Variants in CD1D observed in about 807,000 individuals in gnomAD.
CD1D encodes CD1d molecule, also known as antigen-presenting glycoprotein CD1d.
In CD1D, 40 loss-of-function variants were observed where a neutral mutation model predicts 42.1. The ratio of observed to expected loss-of-function variants is 0.95; its 90% CI spans 0.74 to 1.24. CD1D has a LOEUF of 1.24. CD1D is among the 50% of genes most tolerant of loss of function. The probability of loss-of-function intolerance (pLI) is 0.00; values close to 1 mark genes in which losing one functional copy is unlikely to be tolerated. For missense variants in CD1D, 437 were observed against 416.5 expected, an observed-to-expected ratio of 1.05 and a Z score of -0.43; for synonymous variants, 178 against 171.8, an observed-to-expected ratio of 1.04 and a Z score of -0.28.
intron 1 of CD1D, 67 bp from the exon 2 acceptor site, chr1:158,181,388 C>A (rs1200763861): frequency 1.3e-6 from 2 of 1,585,472 alleles, no homozygotes; most frequent in East Asian, 2.3e-5. Flanking sequence ...TTTCTTTCTT[C>A]CTTCTCTTTA....
rs1180882025 is a variant in CD1D, at chr1:158,181,888, C to T, written c.329-144C>T. On this transcript the variant is annotated intron_variant, in intron 2 of 5. Transcript: ENST00000674085. ...CCCAGGCTTTGACTCCTCAAAGTGT[C>T]CCTCGTTCCTGCCTACTCCAGGTCA... is the stretch of plus-strand genomic sequence containing the variant. 11 of 1,332,626 alleles carry T rather than the reference C, an allele frequency of 8.3e-6. No homozygotes were observed. In the South Asian group the frequency reaches 1.2e-4, roughly 15 times the overall value. The allele number at this position is 1,332,626 out of a possible 1,614,324, so 82.6% of individuals were successfully genotyped here.
At chr1:158,180,829 C>T (rs189513252), upstream of CD1D, 157 of 393,828 alleles carry the variant, frequency 4.0e-4, 3 homozygotes, top group Admixed American at 5.7e-3. Context: ...GAAATTGAGA[C>T]ACGCCGGTTG....
rs920387491 is a variant in CD1D, at chr1:158,183,073, A to C, written c.803A>C (p.Asp268Ala). The C allele has an allele frequency of 6.2e-7, 1 of 1,613,996 alleles. No homozygotes were observed. The highest frequency in any genetic ancestry group is 8.5e-7 in the Non-Finnish European group (1 of 1,180,020). ...ACATGGTATCTCCGAGCAACCCTGG[A>C]TGTGGTGGCTGGGGAGGCAGCTGGC... ...DETWYLRATLDVVAGEAAGLS... is the reference protein window; with the variant it reads ...DETWYLRATLAVVAGEAAGLS... Residue 268 changes from aspartate to alanine, a missense_variant, in exon 4 of 6, where the codon GAT (aspartate) becomes GCT (alanine). Coordinates refer to ENST00000674085, the MANE Select transcript of CD1D (RefSeq NM_001371762.2).
upstream of CD1D, among the ~76,000 whole-genome samples, chr1:158,179,568 C>T (rs2101692266): frequency 6.6e-6 from 1 of 152,302 alleles, no homozygotes; most frequent in Non-Finnish European, 1.5e-5. Flanking sequence ...AACTCTGCTA[C>T]ATGCTGAGAG....
Position 158,180,987 on chromosome 1 carries a change from G to C in CD1D, c.-115G>C. 6.1e-6 allele frequency: 6 copies of C among 977,764 alleles called. No homozygotes were observed. The highest frequency in any genetic ancestry group is 8.6e-6 in the Non-Finnish European group (6 of 693,952). The allele number at this position is 977,764 out of a possible 1,614,324, so 60.6% of individuals were successfully genotyped here. Reference sequence around the variant, plus strand: ...AGGAGGGCTGCCGGGGTCTGGGCTTGGGAATTGGCTGGCACCCAGCGGAAA... The same window carrying C: ...AGGAGGGCTGCCGGGGTCTGGGCTTCGGAATTGGCTGGCACCCAGCGGAAA... On this transcript the variant is annotated 5_prime_UTR_variant, in exon 1 of 6. Transcript: ENST00000674085.
intron 2 of CD1D, 126 bp downstream of exon 2, chr1:158,181,847 T>G (rs1648443667): frequency 3.6e-6 from 5 of 1,395,282 alleles, no homozygotes; most frequent in African/African-American, 2.8e-5. Flanking sequence ...CTGATTTCCC[T>G]TCTACCTGGA....
chr1:158,181,815 T>C, intron 2 of CD1D, 94 bp downstream of exon 2: 1 of 1,497,356 alleles, frequency 6.7e-7, no homozygotes, highest in African/African-American at 1.4e-5. Context: ...CTGATGAGAT[T>C]CTCTGCTCTG....
upstream of CD1D, among the ~76,000 whole-genome samples, chr1:158,179,574 G>A (rs1648300643): frequency 6.6e-6 from 1 of 152,210 alleles, no homozygotes; most frequent in African/African-American, 2.4e-5. Flanking sequence ...GCTACATGCT[G>A]AGAGGATGGC....
In CD1D at chr1:158,182,247, GGCA is replaced by G. The variant is rs1558044400; in HGVS notation, c.545_547del (p.Gly182_Thr183delinsAla). ...GGAAACAGTGCAGTGGCTCCTTAATGGCACCTGCCCCCAATTTGTCAGTGGCCT... is the reference window on the plus strand; with the variant it reads ...GGAAACAGTGCAGTGGCTCCTTAATGCCTGCCCCCAATTTGTCAGTGGCCT... On this transcript the variant is annotated inframe_deletion, in exon 3 of 6. Coordinates refer to ENST00000674085, the MANE Select transcript of CD1D (RefSeq NM_001371762.2). 14 of 1,614,126 alleles carry G rather than the reference GGCA, an allele frequency of 8.7e-6. No individual in the cohort carries two copies. The highest frequency in any genetic ancestry group is 1.2e-5 in the Non-Finnish European group (14 of 1,179,998).
chr1:158,181,231 G>A (rs977247104), intron 1 of CD1D, 69 bp downstream of exon 1: 7 of 1,517,050 alleles, frequency 4.6e-6, no homozygotes, highest in Non-Finnish European at 6.3e-6. Context: ...TAGGGACGGG[G>A]AGGGCAACGC....
Position 158,182,820 on chromosome 1 carries a change from G to C in CD1D, c.608-58G>C, listed in dbSNP as rs1020259628. 3.3e-6 allele frequency: 5 copies of C among 1,528,392 alleles called. No individual in the cohort carries two copies. The African/African-American group carries it at 6.9e-5, about 21-fold the overall frequency. 94.7% of individuals were successfully genotyped at this position (1,528,392 alleles called of 1,614,324 possible). A position where few individuals can be genotyped will look rare whatever the true frequency, so the allele number is the denominator to read the frequency against. ...GTCAAAAAGGATGATATGAGGCCTG[G>C]AGCCTCTAATGCAGAGTTTTCACTT... On this transcript the variant is annotated intron_variant, in intron 3 of 5. Coordinates refer to ENST00000674085, the MANE Select transcript of CD1D (RefSeq NM_001371762.2).
chr1:158,183,869 C>T lies in CD1D; in HGVS notation c.887-67C>T, dbSNP rs571737534. 30 of 1,244,936 alleles carry T rather than the reference C, an allele frequency of 2.4e-5. No individual in the cohort carries two copies. The South Asian group carries it at 2.9e-4, about 12-fold the overall frequency. The allele number at this position is 1,244,936 out of a possible 1,614,324, so 77.1% of individuals were successfully genotyped here. On this transcript the variant is annotated intron_variant, in intron 4 of 5. Coordinates refer to ENST00000674085, the MANE Select transcript of CD1D (RefSeq NM_001371762.2). Reference sequence around the variant, plus strand: ...CCTGGTACCCTCACACATGCCTAGACCAGGGGATTGGATATATGTAGAGAG... The same window carrying T: ...CCTGGTACCCTCACACATGCCTAGATCAGGGGATTGGATATATGTAGAGAG...
intron 1 of CD1D, 98 bp downstream of exon 1, chr1:158,181,260 AC>A: frequency 1.4e-6 from 2 of 1,458,514 alleles, no homozygotes; most frequent in Non-Finnish European, 1.9e-6. Flanking sequence ...GACTGGTGAG[AC>A]CCGGGACGCA....
At position 158,184,908 on chromosome 1, in the gene CD1D, T is replaced by C. The variant is rs1648642969; in HGVS notation, c.*758T>C. The C allele has an allele frequency of 6.6e-6, 1 of 152,248 alleles. No individual in the cohort carries two copies. Among genetic ancestry groups the C allele is most frequent in the African/African-American group, 2.4e-5 (1 of 41,454 alleles). 9.4% of individuals were successfully genotyped at this position (152,248 alleles called of 1,614,324 possible). On this transcript the variant is annotated 3_prime_UTR_variant, in exon 6 of 6. Coordinates refer to ENST00000674085, the MANE Select transcript of CD1D (RefSeq NM_001371762.2). ...GAAGATAAATCATAGTGTATGTGTATTATGTTGAAAAAAACTACTCTGAGT... is the reference window on the plus strand; with the variant it reads ...GAAGATAAATCATAGTGTATGTGTACTATGTTGAAAAAAACTACTCTGAGT...
upstream of CD1D, among the ~76,000 whole-genome samples, chr1:158,179,170 G>A (rs985320591): frequency 6.6e-6 from 1 of 152,112 alleles, no homozygotes; most frequent in Non-Finnish European, 1.5e-5. Flanking sequence ...ATTGCCCCAT[G>A]AGTCATATAA....
At chr1:158,182,423 G>T (rs1165755535) in intron 3 of CD1D, 113 bp downstream of exon 3, 4 of 1,183,694 alleles carry the variant, frequency 3.4e-6, no homozygotes, top group Non-Finnish European at 5.0e-6. Flanking sequence ...CCCAGGAGGG[G>T]CTGGATAAGG....
chr1:158,178,306 G>T (rs965064847), upstream of CD1D, among the ~76,000 whole-genome samples: 1 of 152,144 alleles, frequency 6.6e-6, no homozygotes, highest in African/African-American at 2.4e-5. Context: ...TTTTGATCAG[G>T]TTGGCTTGTG....
In CD1D at chr1:158,181,528, C is replaced by A; in HGVS notation, c.135C>A (p.Asp45Glu). 1 of 1,614,180 alleles carries A rather than the reference C, an allele frequency of 6.2e-7. No individual in the cohort carries two copies. The highest frequency in any genetic ancestry group is 8.5e-7 in the Non-Finnish European group (1 of 1,180,036). The change falls in exon 2 of 6, where the codon GAC (aspartate) becomes GAA (glutamate). Residue 45 changes from aspartate (D) to glutamate (E), a missense_variant. Asp to Glu is a conservative substitution (Grantham distance 45). Coordinates refer to ENST00000674085, the MANE Select transcript of CD1D (RefSeq NM_001371762.2). ...CCAATAGCAGCTGGACGCGCACCGA[C>A]GGCTTGGCGTGGCTGGGGGAGCTGC... ...SFANSSWTRT[D>E]GLAWLGELQT...
chr1:158,186,123 T>C lies in CD1D; in HGVS notation c.*1973T>C, dbSNP rs1213071498. 6.6e-6 allele frequency among the ~76,000 whole-genome samples: 1 copy of C among 152,186 alleles called. No homozygotes were observed. On this transcript the variant is annotated 3_prime_UTR_variant, in exon 6 of 6. Coordinates refer to ENST00000674085, the MANE Select transcript of CD1D (RefSeq NM_001371762.2). Reference sequence around the variant, plus strand: ...CTGTGCCAAAGGAGGATAATAATTATCTATTATTGATTATCTCCTAGACTT... The same window carrying C: ...CTGTGCCAAAGGAGGATAATAATTACCTATTATTGATTATCTCCTAGACTT...
Sources: allele counts gnomAD v4.1 joint callset (sites outside exome capture counted in the v4.1 genomes callset), GRCh38; gene constraint gnomAD v4.1.1; transcripts MANE v1.5; gene names NCBI Gene and HGNC (gene_info 2026-07-23, HGNC 2026-07-21).